Variants in IARS1 observed in about 807,000 individuals in gnomAD.
IARS1 encodes the protein isoleucyl-tRNA synthetase 1.
Under a neutral mutation model 168.2 loss-of-function variants are expected in IARS1, and 124 were observed. The observed-to-expected ratio is 0.74, with a 90% CI of 0.64 to 0.86. IARS1 has a LOEUF of 0.86. Among genes scored for constraint, IARS1 ranks in the 40% least tolerant of loss-of-function variants. The pLI, the probability that IARS1 is intolerant of heterozygous loss-of-function variation, is 0.00. For missense variants in IARS1, 1,452 were observed against 1,515.8 expected (o/e 0.96, Z 0.70); for synonymous variants, 532 against 529.4 (o/e 1.00, Z -0.07).
intron 33 of IARS1, among the ~76,000 whole-genome samples, chr9:92,221,531 T>G (rs1335016162): frequency 6.6e-6 from 1 of 152,140 alleles, no homozygotes; most frequent in African/African-American, 2.4e-5. Flanking sequence ...AGTGAACATG[T>G]CTGATGTGTA....
At chr9:92,287,150 A>C (rs1835587031) in intron 4 of IARS1, among the ~76,000 whole-genome samples, 1 of 152,228 alleles carries the variant, frequency 6.6e-6, no homozygotes, top group Non-Finnish European at 1.5e-5. Context: ...TGGCATTGTC[A>C]CCAAAAATGC....
In IARS1 at chr9:92,232,379, G is replaced by A. The variant is rs1184422318; in HGVS notation, c.3284-3253C>T. 2.0e-5 allele frequency among the ~76,000 whole-genome samples: 3 copies of A among 152,202 alleles called. No homozygotes were observed. The East Asian group carries it at 5.8e-4, about 29-fold the overall frequency. ...TGATTCATAGATTTGCCAATCTATA[G>A]AATGCTGATGTGACAGTTATAACTA... On this transcript the variant is annotated intron_variant, in intron 30 of 33. Transcript: ENST00000443024.
At chr9:92,239,983 C>G (rs1828126088) in intron 30 of IARS1, among the ~76,000 whole-genome samples, 1 of 152,150 alleles carries the variant, frequency 6.6e-6, no homozygotes, top group South Asian at 2.1e-4. Context: ...TTTCTTTGGT[C>G]TGTACTTGAC....
At chr9:92,255,692 C>T (rs775641147) in intron 20 of IARS1, among the ~76,000 whole-genome samples, 7 of 152,132 alleles carry the variant, frequency 4.6e-5, no homozygotes, top group Non-Finnish European at 7.3e-5. Context: ...TTATTGAGTA[C>T]CTATCATCTG....
At position 92,270,988 on chromosome 9, in the gene IARS1, C is replaced by CA. The variant is rs1832947278; in HGVS notation, c.1201dup (p.Trp401LeufsTer31). The stretch of plus-strand genomic sequence containing the variant: ...CACAGTCTTTGTTTCTTCTGACCTC[C>CA]AGCAAAAAGGGTAGCTGTGAGTGAA... On this transcript the variant is annotated frameshift_variant, in exon 12 of 34. Transcript: ENST00000443024. LOFTEE classifies it high-confidence loss of function. 1 of 1,608,206 alleles carries CA rather than the reference C, an allele frequency of 6.2e-7. No homozygotes were observed. Among genetic ancestry groups the CA allele is most frequent in the Non-Finnish European group, 8.5e-7 (1 of 1,176,908 alleles).
At position 92,251,947 on chromosome 9, in the gene IARS1, A is replaced by C. The variant is rs75316985; in HGVS notation, c.2230-62T>G. On this transcript the variant is annotated intron_variant, in intron 21 of 33. Coordinates refer to ENST00000443024, the MANE Select transcript of IARS1 (RefSeq NM_002161.6). ...TAAATAAGTGTTTATCATTAAAAAA[A>C]TAAGTTTATTAAAAAGAGGCAATCT... 5.5e-4 allele frequency: 671 copies of C among 1,211,510 alleles called. 2 individuals carry two copies. Among genetic ancestry groups the C allele is most frequent in the Middle Eastern group, 3.8e-4 (2 of 5,272 alleles). 75.0% of individuals were successfully genotyped at this position (1,211,510 alleles called of 1,614,324 possible). A position where few individuals can be genotyped will look rare whatever the true frequency, so the allele number is the denominator to read the frequency against.
intron 32 of IARS1, 70 bp from the exon 33 acceptor site, chr9:92,222,742 T>A: frequency 6.5e-7 from 1 of 1,529,020 alleles, no homozygotes; most frequent in Non-Finnish European, 9.0e-7. Context: ...AGGTGGCCAC[T>A]GCGGACAGCT....
chr9:92,263,058 GA>G lies in IARS1; in HGVS notation c.1701-4del, dbSNP rs759528981. ...CCAGCACCAGCAGGGTATAAAACCTGAAAAAAAACCCCAAACAGTTCAATAA... is the reference window on the plus strand; with the variant it reads ...CCAGCACCAGCAGGGTATAAAACCTGAAAAAAACCCCAAACAGTTCAATAA... On this transcript the variant is annotated splice_polypyrimidine_tract_variant and splice_region_variant and intron_variant, in intron 16 of 33. Transcript: ENST00000443024. The G allele has an allele frequency of 8.1e-6, 13 of 1,603,374 alleles. No individual in the cohort carries two copies. Among genetic ancestry groups the G allele is most frequent in the East Asian group, 4.5e-5 (2 of 44,808 alleles).
Position 92,253,403 on chromosome 9 carries a change from G to C in IARS1, c.2188C>G (p.Leu730Val). 6.2e-7 allele frequency: 1 copy of C among 1,613,770 alleles called. No homozygotes were observed. Residue 730 changes from leucine (L) to valine (V), a missense_variant, in exon 21 of 34, where the codon CTG (leucine) becomes GTG (valine). Leu to Val is a conservative substitution (Grantham distance 32). Coordinates refer to ENST00000443024, the MANE Select transcript of IARS1 (RefSeq NM_002161.6). ...VPRLVKFVDI[L>V]TNWYVRMNRR... is the part of the protein sequence containing the mutation. ...TTCATTCTAACATACCAATTGGTCA[G>C]AATATCTACAAACTTGACCAGGCGA...
In IARS1 at chr9:92,240,839, A is replaced by G. The variant is rs764040984; in HGVS notation, c.3283+17T>C. 2.0e-6 allele frequency: 3 copies of G among 1,514,316 alleles called. No homozygotes were observed. The highest frequency in any genetic ancestry group is 2.3e-5 in the South Asian group (2 of 88,778). 93.8% of individuals were successfully genotyped at this position (1,514,316 alleles called of 1,614,324 possible). A position where few individuals can be genotyped will look rare whatever the true frequency, so the allele number is the denominator to read the frequency against. ...TAACTAAAAAAAAGTCACACAAATC[A>G]TGGAATTTACTCTTACCTTGTTCAC... is the stretch of plus-strand genomic sequence containing the variant. On this transcript the variant is annotated intron_variant, in intron 30 of 33. Coordinates refer to ENST00000443024, the MANE Select transcript of IARS1 (RefSeq NM_002161.6).
rs186545992 is a variant in IARS1 at position 92,273,221 on chromosome 9, T to C, written c.990+1205A>G. On this transcript the variant is annotated intron_variant, in intron 10 of 33. Transcript: ENST00000443024. ...ACTAAGAGTGGGGTAACCATACCAG[T>C]TAATTGACCCTAAAATGATTATGAA... is the stretch of plus-strand genomic sequence containing the variant. Among the ~76,000 whole-genome samples the C allele has an allele frequency of 5.6e-3, 858 of 152,128 alleles. 6 individuals are homozygous for C. Among genetic ancestry groups the C allele is most frequent in the Non-Finnish European group, 8.2e-3 (559 of 68,000 alleles).
chr9:92,230,771 T>C (rs1412200224), intron 30 of IARS1, among the ~76,000 whole-genome samples: 1 of 152,242 alleles, frequency 6.6e-6, no homozygotes, highest in Non-Finnish European at 1.5e-5. Context: ...CTGTCACTAC[T>C]TGCAATTTTA....
At chr9:92,289,460 G>C (rs1253119075) in intron 1 of IARS1, 34 bp from the exon 2 acceptor site, 1 of 897,364 alleles carries the variant, frequency 1.1e-6, no homozygotes. Flanking sequence ...ACTGTCAAAA[G>C]AGAAATCTAG....
chr9:92,277,949 C>A, intron 8 of IARS1, 26 bp from the exon 9 acceptor site: 2 of 1,603,594 alleles, frequency 1.2e-6, no homozygotes, highest in African/African-American at 1.3e-5. Context: ...GGCAAACTCA[C>A]AATTAGATTA....
intron 33 of IARS1, among the ~76,000 whole-genome samples, 166 bp from the exon 34 acceptor site, chr9:92,211,055 T>C (rs1233564525): frequency 6.6e-6 from 1 of 152,230 alleles, no homozygotes; most frequent in Admixed American, 6.5e-5. Context: ...TGGAATTTCC[T>C]GGTAGGAATC....
intron 9 of IARS1, among the ~76,000 whole-genome samples, 159 bp downstream of exon 9, chr9:92,277,704 A>T (rs575121554): frequency 6.6e-6 from 1 of 152,146 alleles, no homozygotes; most frequent in South Asian, 2.1e-4. Context: ...CTCTAAGACA[A>T]GAAAGCTACA....
At chr9:92,272,846 G>C (rs1833249737) in intron 10 of IARS1, among the ~76,000 whole-genome samples, 1 of 118,816 alleles carries the variant, frequency 8.4e-6, no homozygotes, top group Non-Finnish European at 1.6e-5. Flanking sequence ...GGGAGACTCT[G>C]TCTCAAACAA....
In IARS1 at chr9:92,286,608, C is replaced by T. The variant is rs140259231; in HGVS notation, c.407G>A (p.Ser136Asn). The T allele has an allele frequency of 6.7e-4, 1,047 of 1,561,200 alleles. 2 individuals carry two copies. The highest frequency in any genetic ancestry group is 7.9e-4 in the Non-Finnish European group (897 of 1,132,172). The change falls in exon 5 of 34, where the codon AGC becomes AAC. Residue 136 changes from serine (S) to asparagine (N), a missense_variant. By Grantham distance (46) the Ser-to-Asn change is conservative. Coordinates refer to ENST00000443024, the MANE Select transcript of IARS1 (RefSeq NM_002161.6). ...RYSAEWKSTV[S>N]RLGRWIDFDN... The stretch of plus-strand genomic sequence containing the variant: ...AAAGTCAATCCATCGGCCAAGTCTG[C>T]TAACAGTAGACTTTAAAATATTAAT...
intron 4 of IARS1, 78 bp from the exon 5 acceptor site, chr9:92,286,696 T>TCATCA: frequency 1.2e-6 from 1 of 802,252 alleles, no homozygotes; most frequent in East Asian, 2.8e-5. Context: ...ATTTCTGTTG[T>TCATCA]CATCACAAAT....
Sources: gnomAD v4.1 joint callset for allele counts (sites outside exome capture counted in the v4.1 genomes callset) on GRCh38, gnomAD v4.1.1 for gene constraint, MANE v1.5 for transcripts, NCBI Gene and HGNC (gene_info 2026-07-23, HGNC 2026-07-21) for gene names.